COL14A1: variants seen among roughly 807,000 people sequenced by gnomAD.
COL14A1 encodes collagen type XIV alpha 1 chain.
In COL14A1, 136 loss-of-function variants were observed where a neutral mutation model predicts 230.3. The ratio of observed to expected loss-of-function variants is 0.59; its 90% CI spans 0.51 to 0.68. The LOEUF (loss-of-function observed/expected upper bound fraction) is 0.68, where lower values mean the gene tolerates loss of function less well. Ranked by LOEUF, COL14A1 falls within the 30% of genes least tolerant of loss-of-function variation. COL14A1 has a pLI of 0.00. For synonymous variants in COL14A1, 792 were observed against 784.1 expected, an observed-to-expected ratio of 1.01 and a Z score of -0.17; for missense variants, 1,976 against 2,215.8, an observed-to-expected ratio of 0.89 and a Z score of 2.17.
intron 43 of COL14A1, 122 bp from the exon 44 acceptor site, chr8:120,342,258 G>A: frequency 1.1e-6 from 1 of 926,460 alleles, no homozygotes; most frequent in South Asian, 1.4e-5. Context: ...AAACCCACCT[G>A]TTGCTAGGGG....
intron 32 of COL14A1, among the ~76,000 whole-genome samples, chr8:120,284,876 A>G (rs1820146077): frequency 6.6e-6 from 1 of 152,170 alleles, no homozygotes; most frequent in South Asian, 2.1e-4. Context: ...TTATTCTCTC[A>G]CAAGGTTAGT....
intron 26 of COL14A1, among the ~76,000 whole-genome samples, chr8:120,276,330 G>C (rs1176396917): frequency 6.7e-6 from 1 of 149,768 alleles, no homozygotes; most frequent in African/African-American, 2.5e-5. Flanking sequence ...AGGAACACAG[G>C]GTGGTATAAT....
chr8:120,235,980 CTGTT>C lies in COL14A1; in HGVS notation c.2349+4367_2349+4370del, dbSNP rs375937014. The stretch of plus-strand genomic sequence containing the variant: ...AATTTGATTGCACTGTGGCCTGAGA[CTGTT>C]TGTTATGATTTGCATTCTTTTACAT... On this transcript the variant is annotated intron_variant, in intron 19 of 47. Coordinates refer to ENST00000297848, the MANE Select transcript of COL14A1 (RefSeq NM_021110.4). 4.8e-3 allele frequency among the ~76,000 whole-genome samples: 726 copies of C among 152,106 alleles called. 2 individuals carry two copies. Among genetic ancestry groups the C allele is most frequent in the Non-Finnish European group, 8.3e-3 (566 of 67,932 alleles).
At chr8:120,277,971 G>T in intron 26 of COL14A1, 140 bp from the exon 27 acceptor site, 1 of 756,394 alleles carries the variant, frequency 1.3e-6, no homozygotes, top group Non-Finnish European at 2.0e-6. Flanking sequence ...TATGTAACTT[G>T]TATGAAAGAA....
chr8:120,163,368 G>A (rs752155570), intron 4 of COL14A1, among the ~76,000 whole-genome samples: 1 of 152,202 alleles, frequency 6.6e-6, no homozygotes, highest in Non-Finnish European at 1.5e-5. Flanking sequence ...AGAAAGGATA[G>A]GGTGTGCAGA....
At chr8:120,167,184 C>G (rs947382230) in intron 4 of COL14A1, among the ~76,000 whole-genome samples, 7 of 151,798 alleles carry the variant, frequency 4.6e-5, no homozygotes, top group African/African-American at 1.7e-4. Flanking sequence ...AGATCTCAAA[C>G]CATTTCAGCA....
intron 37 of COL14A1, 27 bp downstream of exon 37, chr8:120,310,089 C>T: frequency 6.2e-7 from 1 of 1,606,034 alleles, no homozygotes; most frequent in Non-Finnish European, 8.5e-7. Context: ...CTCTCTCTCT[C>T]TGTCTCATCT....
chr8:120,351,067 C>T (rs988578436), intron 45 of COL14A1, among the ~76,000 whole-genome samples: 2 of 144,076 alleles, frequency 1.4e-5, no homozygotes, highest in Non-Finnish European at 3.0e-5. Context: ...CAAACTAGAA[C>T]TCAGGATTAA....
intron 6 of COL14A1, 81 bp from the exon 7 acceptor site, chr8:120,197,730 G>C: frequency 1.4e-6 from 2 of 1,481,140 alleles, no homozygotes; most frequent in Non-Finnish European, 1.8e-6. Context: ...GAGGCCTTTC[G>C]TCATTCCAGT....
intron 40 of COL14A1, among the ~76,000 whole-genome samples, chr8:120,327,663 A>G (rs1392353075): frequency 6.6e-6 from 1 of 152,058 alleles, no homozygotes; most frequent in African/African-American, 2.4e-5. Context: ...CCCTCACCCT[A>G]TACATTTCCA....
rs16893908 is a variant in COL14A1, at chr8:120,317,044, C to T, written c.4659+1047C>T. 6.6e-3 allele frequency among the ~76,000 whole-genome samples: 1,000 copies of T among 152,224 alleles called. 9 individuals are homozygous for T. Among genetic ancestry groups the T allele is most frequent in the African/African-American group, 0.023 (944 of 41,534 alleles). On this transcript the variant is annotated intron_variant, in intron 40 of 47. Transcript: ENST00000297848. ...GTCATTAAATTTTCAGCAAGGGACA[C>T]AGAGGCTGGTCTTCCTTAAACTGTC...
chr8:120,314,264 G>A (rs1464284183), intron 38 of COL14A1, among the ~76,000 whole-genome samples: 3 of 152,168 alleles, frequency 2.0e-5, no homozygotes, highest in African/African-American at 7.2e-5. Flanking sequence ...CAAGCATTGT[G>A]TCTATAGAGG....
chr8:120,284,366 G>T (rs1191785057), intron 32 of COL14A1, among the ~76,000 whole-genome samples: 1 of 152,124 alleles, frequency 6.6e-6, no homozygotes, highest in Non-Finnish European at 1.5e-5. Flanking sequence ...AACCAATGAA[G>T]GAAGCTTCTT....
chr8:120,303,543 G>A (rs1465668452), intron 36 of COL14A1, among the ~76,000 whole-genome samples: 1 of 152,170 alleles, frequency 6.6e-6, no homozygotes, highest in African/African-American at 2.4e-5. Flanking sequence ...CACATTTATT[G>A]ATTTGCATAT....
chr8:120,196,744 G>C, intron 5 of COL14A1, 47 bp from the exon 6 acceptor site: 1 of 1,583,720 alleles, frequency 6.3e-7, no homozygotes, highest in Non-Finnish European at 8.6e-7. Context: ...TGTTTTTGAA[G>C]TTGCTCTGAC....
intron 45 of COL14A1, among the ~76,000 whole-genome samples, chr8:120,348,155 A>G (rs1001094340): frequency 1.5e-4 from 23 of 150,364 alleles, no homozygotes; most frequent in African/African-American, 5.4e-4. Context: ...ATGAGTGGAT[A>G]AAGAAACTGT....
chr8:120,229,728 A>G (rs971651211), intron 18 of COL14A1, among the ~76,000 whole-genome samples: 4 of 152,188 alleles, frequency 2.6e-5, no homozygotes, highest in African/African-American at 9.6e-5. Flanking sequence ...AGTCCCACCA[A>G]CAGTGTAAAA....
intron 1 of COL14A1, among the ~76,000 whole-genome samples, chr8:120,133,206 A>G (rs1441286160): frequency 6.6e-6 from 1 of 150,514 alleles, no homozygotes; most frequent in African/African-American, 2.4e-5. Context: ...ACAGAGCGAA[A>G]CTCCGTCTCA....
At position 120,231,616 on chromosome 8, in the gene COL14A1, A is replaced by T; in HGVS notation, c.2347A>T (p.Thr783Ser). 1 of 1,613,364 alleles carries T rather than the reference A, an allele frequency of 6.2e-7. No homozygotes were observed. The highest frequency in any genetic ancestry group is 2.2e-5 in the East Asian group (1 of 44,840). The part of the protein sequence containing the change: ...QGDPEEEVIG[T>S]VMVPGSQNNL... ...GGACCCTGAGGAAGAAGTCATAGGA[A>T]CGGTCTGTATAAATTCAACTGACTA... is the stretch of plus-strand genomic sequence containing the variant. The change falls in exon 19 of 48, where the codon ACG becomes TCG. Residue 783 changes from threonine to serine, a missense_variant and splice_region_variant. Physicochemically the swap from Thr to Ser is moderately conservative, Grantham distance 58 (BLOSUM62 1). Transcript: ENST00000297848.
Sources: allele counts gnomAD v4.1 joint callset (sites outside exome capture counted in the v4.1 genomes callset), GRCh38; gene constraint gnomAD v4.1.1; transcripts MANE v1.5; gene names NCBI Gene and HGNC (gene_info 2026-07-23, HGNC 2026-07-21).